Variants in APP observed in about 807,000 individuals in gnomAD.
APP encodes amyloid beta precursor protein.
In APP, 31 loss-of-function variants were observed where a neutral mutation model predicts 101.4. That is an observed-to-expected ratio of 0.31 (90% CI 0.23 to 0.41). The LOEUF (loss-of-function observed/expected upper bound fraction) is 0.41, where lower values mean the gene tolerates loss of function less well. Ranked by LOEUF, APP falls within the 10% of genes least tolerant of loss-of-function variation. The probability of loss-of-function intolerance (pLI) is 1.00; values close to 1 mark genes in which losing one functional copy is unlikely to be tolerated. For missense variants in APP, 839 were observed against 1,003.7 expected (o/e 0.84, Z 2.22); for synonymous variants, 366 against 364.4 (o/e 1.00, Z -0.05).
In APP at chr21:25,954,623, G is replaced by T. The variant is rs1000297744; in HGVS notation, c.1654C>A (p.Pro552Thr). ...TCCTGAATCTCCTCGGCCACTGCAG[G>T]CACGTTGTAGAGCAGGGAGAGAGAC... ...NQSLSLLYNVPAVAEEIQDEV... is the reference protein window; with the variant it reads ...NQSLSLLYNVTAVAEEIQDEV... The change falls in exon 13 of 18, where the codon CCT becomes ACT. Residue 552 changes from proline (P) to threonine (T), a missense_variant. Transcript: ENST00000346798. 3 of 1,613,984 alleles carry T rather than the reference G, an allele frequency of 1.9e-6. No homozygotes were observed. The highest frequency in any genetic ancestry group is 1.7e-5 in the Admixed American group (1 of 59,986).
At chr21:25,969,513 C>T (rs2041929453) in intron 11 of APP, among the ~76,000 whole-genome samples, 2 of 151,856 alleles carry the variant, frequency 1.3e-5, no homozygotes, top group South Asian at 4.2e-4. Flanking sequence ...AGACTCCAGG[C>T]CTGTGACCAC....
chr21:26,096,700 G>C (rs767653885), intron 2 of APP, among the ~76,000 whole-genome samples: 32 of 152,100 alleles, frequency 2.1e-4, no homozygotes, highest in Non-Finnish European at 3.8e-4. Flanking sequence ...CAGCTTAAGC[G>C]AGGAGGTCGA....
At chr21:26,157,659 G>A (rs145663692) in intron 1 of APP, among the ~76,000 whole-genome samples, 188 of 152,240 alleles carry the variant, frequency 1.2e-3, no homozygotes, top group African/African-American at 3.9e-3. Context: ...TTTCTGTGAC[G>A]TATCTTCATT....
At chr21:26,085,187 G>A (rs568851064) in intron 3 of APP, among the ~76,000 whole-genome samples, 1 of 152,260 alleles carries the variant, frequency 6.6e-6, no homozygotes, top group African/African-American at 2.4e-5. Context: ...CCATTCAAAG[G>A]TCCCATGGGA....
Position 25,911,826 on chromosome 21 carries a change from G to A in APP, c.1824C>T (p.Pro608=), listed in dbSNP as rs781060683. Reference sequence around the variant, plus strand: ...CGTCCAGGCTGAACTCTCCATTCACGGGAAGGAGCTCCACGGTGGTTTTCG... The same window carrying A: ...CGTCCAGGCTGAACTCTCCATTCACAGGAAGGAGCTCCACGGTGGTTTTCG... The part of the protein sequence containing the change: ...TETKTTVELL[P]VNGEFSLDDL... Residue 608 remains proline, a synonymous_variant, in exon 14 of 18, where the codon CCC becomes CCT. Transcript: ENST00000346798. 1.4e-5 allele frequency: 22 copies of A among 1,614,036 alleles called. No individual in the cohort carries two copies. Among genetic ancestry groups the A allele is most frequent in the African/African-American group, 1.3e-4 (10 of 74,904 alleles).
rs1422715946 is a variant in APP at position 26,000,012 on chromosome 21, T to G, written c.1033+3A>C. The G allele has an allele frequency of 6.2e-7, 1 of 1,613,886 alleles. No individual in the cohort carries two copies. The highest frequency in any genetic ancestry group is 1.3e-5 in the African/African-American group (1 of 74,928). ...GGCCAGGCTCGAAGAAGGGTCCACT[T>G]ACTGGCGCTGCCACACACGGCCATG... On this transcript the variant is annotated splice_donor_region_variant and intron_variant, in intron 7 of 17. Coordinates refer to ENST00000346798, the MANE Select transcript of APP (RefSeq NM_000484.4).
At chr21:26,113,581 C>T (rs554009920) in intron 1 of APP, among the ~76,000 whole-genome samples, 1 of 152,268 alleles carries the variant, frequency 6.6e-6, no homozygotes, top group African/African-American at 2.4e-5. Context: ...GAAATTCTGC[C>T]TTTACATTGC....
At chr21:26,077,775 GAAAA>G (rs796489181) in intron 3 of APP, among the ~76,000 whole-genome samples, 2 of 86,954 alleles carry the variant, frequency 2.3e-5, no homozygotes, top group Admixed American at 1.3e-4. Flanking sequence ...ACAGGAGAAG[GAAAA>G]AAAAAAAAAA....
intron 9 of APP, among the ~76,000 whole-genome samples, chr21:25,977,679 A>G (rs559016095): frequency 6.6e-6 from 1 of 152,362 alleles, no homozygotes; most frequent in East Asian, 1.9e-4. Context: ...GATGGAATAA[A>G]TATTTCATTA....
Position 26,144,522 on chromosome 21 carries a change from T to A in APP, c.57+26042A>T, listed in dbSNP as rs116230269. 5.2e-3 allele frequency among the ~76,000 whole-genome samples: 787 copies of A among 152,304 alleles called. 5 individuals are homozygous for A. Among genetic ancestry groups the A allele is most frequent in the African/African-American group, 0.017 (718 of 41,554 alleles). On this transcript the variant is annotated intron_variant, in intron 1 of 17. Coordinates refer to ENST00000346798, the MANE Select transcript of APP (RefSeq NM_000484.4). ...TATAATCTCCTACACTAAATAGTTA[T>A]AAAAACATTAGCTATTGGTTTGGGA...
chr21:25,915,435 G>A (rs1448869204), intron 13 of APP, among the ~76,000 whole-genome samples: 1 of 152,214 alleles, frequency 6.6e-6, no homozygotes, highest in Non-Finnish European at 1.5e-5. Flanking sequence ...CACCAGTGCT[G>A]AAATCCAAGT....
At chr21:26,096,974 T>C (rs1245718930) in intron 2 of APP, among the ~76,000 whole-genome samples, 2 of 152,210 alleles carry the variant, frequency 1.3e-5, no homozygotes, top group Non-Finnish European at 2.9e-5. Flanking sequence ...AGGGCCTGCC[T>C]GTGCCCTCTA....
At chr21:26,132,907 A>G (rs2062823828) in intron 1 of APP, among the ~76,000 whole-genome samples, 2 of 152,276 alleles carry the variant, frequency 1.3e-5, no homozygotes, top group African/African-American at 4.8e-5. Context: ...TTCACCATTT[A>G]TACTTCATTT....
intron 1 of APP, among the ~76,000 whole-genome samples, chr21:26,162,533 T>G: frequency 6.6e-6 from 1 of 152,020 alleles, no homozygotes; most frequent in South Asian, 2.1e-4. Flanking sequence ...ACAAATGAGT[T>G]TGTAGTAACT....
intron 1 of APP, among the ~76,000 whole-genome samples, chr21:26,130,221 CA>C (rs773330688): frequency 1.3e-5 from 2 of 152,220 alleles, no homozygotes; most frequent in African/African-American, 2.4e-5. Context: ...GTTTAAGATA[CA>C]ACAAAACATG....
chr21:25,997,588 G>C (rs113674564), intron 7 of APP, among the ~76,000 whole-genome samples, 172 bp from the exon 8 acceptor site: 1 of 152,074 alleles, frequency 6.6e-6, no homozygotes, highest in East Asian at 1.9e-4. Context: ...ATCTATTTTC[G>C]TAAGAAGTTA....
intron 6 of APP, among the ~76,000 whole-genome samples, chr21:26,015,140 T>C (rs1568857933): frequency 2.0e-5 from 3 of 152,356 alleles, no homozygotes; most frequent in South Asian, 2.1e-4. Context: ...CCAATAGATA[T>C]GGATAGGTTA....
chr21:25,970,220 C>T (rs1010248646), intron 11 of APP, among the ~76,000 whole-genome samples: 2 of 152,138 alleles, frequency 1.3e-5, no homozygotes, highest in African/African-American at 4.8e-5. Context: ...TACAACCACT[C>T]TAAAATTATC....
chr21:26,036,970 A>ATGTG (rs146253714), intron 5 of APP, among the ~76,000 whole-genome samples: 2 of 148,152 alleles, frequency 1.3e-5, no homozygotes, highest in Non-Finnish European at 3.0e-5. Flanking sequence ...AGAAAATGTG[A>ATGTG]TGTGTGTGTG....
Sources: allele counts gnomAD v4.1 joint callset (sites outside exome capture counted in the v4.1 genomes callset), GRCh38; gene constraint gnomAD v4.1.1; transcripts MANE v1.5; gene names NCBI Gene and HGNC (gene_info 2026-07-23, HGNC 2026-07-21).